VPS13C: variants seen among roughly 807,000 people sequenced by gnomAD.
The protein encoded by VPS13C is vacuolar protein sorting 13 homolog C.
VPS13C carries 358 observed loss-of-function variants against 456.8 expected under a neutral mutation model. The observed-to-expected ratio is 0.78, with a 90% confidence interval of 0.72 to 0.86. The LOEUF (loss-of-function observed/expected upper bound fraction) is 0.86, where lower values mean the gene tolerates loss of function less well. VPS13C is among the 40% of genes least tolerant of loss of function. The pLI, the probability that VPS13C is intolerant of heterozygous loss-of-function variation, is 0.00. For missense variants in VPS13C, 4,818 were observed against 4,385.4 expected, an observed-to-expected ratio of 1.10 and a Z score of -2.79; for synonymous variants, 1,578 against 1,486.7, an observed-to-expected ratio of 1.06 and a Z score of -1.41.
At chr15:61,956,857 T>A (rs1371777089) in intron 37 of VPS13C, among the ~76,000 whole-genome samples, 2 of 152,106 alleles carry the variant, frequency 1.3e-5, no homozygotes, top group African/African-American at 4.8e-5. Context: ...GGAAAGTAAA[T>A]TGGTACAACC....
At chr15:62,049,132 C>T (rs1305855749) in intron 1 of VPS13C, among the ~76,000 whole-genome samples, 1 of 152,120 alleles carries the variant, frequency 6.6e-6, no homozygotes, top group African/African-American at 2.4e-5. Context: ...TCTATTTTGG[C>T]TTTTGTTGCC....
intron 66 of VPS13C, 143 bp downstream of exon 66, chr15:61,907,120 CA>C: frequency 8.8e-7 from 1 of 1,142,706 alleles, no homozygotes. Context: ...CAGTATTTGC[CA>C]TCTAAAGTCC....
At chr15:61,868,086 T>A (rs1894719858) in intron 81 of VPS13C, 1 of 638,484 alleles carries the variant, frequency 1.6e-6, no homozygotes. Flanking sequence ...AAAATATTAA[T>A]ACATTTCTTT....
At chr15:61,880,416 G>A (rs1895760635) in intron 73 of VPS13C, among the ~76,000 whole-genome samples, 193 bp downstream of exon 73, 1 of 152,064 alleles carries the variant, frequency 6.6e-6, no homozygotes, top group East Asian at 1.9e-4. Flanking sequence ...TGGAGAACAT[G>A]CTCTGGTGGT....
chr15:61,914,504 G>A (rs1325057252), intron 61 of VPS13C, among the ~76,000 whole-genome samples: 3 of 151,836 alleles, frequency 2.0e-5, no homozygotes, highest in Non-Finnish European at 4.4e-5. Context: ...GGGAGGCGGA[G>A]GTTGCAGTGA....
chr15:61,945,889 G>A lies in VPS13C; in HGVS notation c.4981-7C>T. 1 of 1,593,702 alleles carries A rather than the reference G, an allele frequency of 6.3e-7. No individual in the cohort carries two copies. Among genetic ancestry groups the A allele is most frequent in the Non-Finnish European group, 8.5e-7 (1 of 1,174,808 alleles). On this transcript the variant is annotated splice_polypyrimidine_tract_variant and splice_region_variant and intron_variant, in intron 44 of 84. Transcript: ENST00000644861. ...CTCCCAAAATAGAGACAGCCTAAAAGTATTAGATTAACTGGTTATTATATC... is the reference window on the plus strand; with the variant it reads ...CTCCCAAAATAGAGACAGCCTAAAAATATTAGATTAACTGGTTATTATATC...
rs1275488772 is a variant in VPS13C at position 61,931,240 on chromosome 15, T to C, written c.5888A>G (p.His1963Arg). Residue 1963 changes from histidine to arginine, a missense_variant, in exon 50 of 85, where the codon CAT becomes CGT. Physicochemically the swap from His to Arg is conservative, Grantham distance 29. Coordinates refer to ENST00000644861, the MANE Select transcript of VPS13C (RefSeq NM_020821.3). ...DINQESGVAF[H>R]NDSFQLGELR... is the part of the protein sequence containing the mutation. ...TTCACCAAGTTGGAAACTGTCATTA[T>C]GAAATGCAACTCCAGATTCCTATGG... 1.2e-6 allele frequency: 2 copies of C among 1,613,688 alleles called. No individual in the cohort carries two copies. The highest frequency in any genetic ancestry group is 1.7e-6 in the Non-Finnish European group (2 of 1,179,872).
chr15:61,879,912 G>A (rs1895725044), intron 73 of VPS13C, among the ~76,000 whole-genome samples: 1 of 152,026 alleles, frequency 6.6e-6, no homozygotes, highest in South Asian at 2.1e-4. Flanking sequence ...CTGAAGGACT[G>A]GTAAATGCAA....
At chr15:61,924,309 T>C (rs1178478192) in intron 53 of VPS13C, among the ~76,000 whole-genome samples, 1 of 152,216 alleles carries the variant, frequency 6.6e-6, no homozygotes, top group African/African-American at 2.4e-5. Context: ...CTACACAGCT[T>C]TCCCTGATGT....
At chr15:61,897,999 A>C (rs888885781) in intron 66 of VPS13C, among the ~76,000 whole-genome samples, 2 of 152,214 alleles carry the variant, frequency 1.3e-5, no homozygotes, top group Non-Finnish European at 2.9e-5. Flanking sequence ...ATCCAGCCAA[A>C]CTAAGCTTCA....
chr15:62,033,195 T>G (rs2047875907), intron 5 of VPS13C, among the ~76,000 whole-genome samples: 2 of 151,234 alleles, frequency 1.3e-5, no homozygotes, highest in South Asian at 4.1e-4. Flanking sequence ...ACTAGCACAA[T>G]AAAAATGACT....
intron 9 of VPS13C, among the ~76,000 whole-genome samples, chr15:62,017,893 C>A (rs1418408477): frequency 6.6e-6 from 1 of 150,958 alleles, no homozygotes; most frequent in Admixed American, 6.6e-5. Flanking sequence ...GCCATTTTCA[C>A]GATATTGATT....
chr15:61,880,541 G>T, intron 73 of VPS13C, 68 bp downstream of exon 73: 2 of 1,052,336 alleles, frequency 1.9e-6, no homozygotes, highest in Non-Finnish European at 2.7e-6. Context: ...ACCTACCTTG[G>T]TCCACAGACC....
At chr15:61,946,521 A>T in intron 43 of VPS13C, 111 bp from the exon 44 acceptor site, 2 of 630,182 alleles carry the variant, frequency 3.2e-6, no homozygotes, top group South Asian at 8.3e-5. Flanking sequence ...AAAATTACTC[A>T]TTATAAGACA....
chr15:61,864,519 G>T (rs936810855), intron 81 of VPS13C: 2 of 868,172 alleles, frequency 2.3e-6, no homozygotes, highest in East Asian at 1.2e-4. Flanking sequence ...GACATTTTAC[G>T]ACCAAGAATA....
rs76912441 is a variant in VPS13C at position 61,982,691 on chromosome 15, T to C, written c.1915-118A>G. 6.2e-3 allele frequency: 3,984 copies of C among 641,958 alleles called. 23 individuals are homozygous for C. Among genetic ancestry groups the C allele is most frequent in the Non-Finnish European group, 8.9e-3 (3,415 of 382,804 alleles). 39.8% of individuals were successfully genotyped at this position (641,958 alleles called of 1,614,324 possible). A position where few individuals can be genotyped will look rare whatever the true frequency, so the allele number is the denominator to read the frequency against. The stretch of plus-strand genomic sequence containing the variant: ...GCTTTGAACTGTGGAACTCCTAAGA[T>C]ATTCTGTCCTACTACATCTCCCTTT... On this transcript the variant is annotated intron_variant, in intron 20 of 84. Coordinates refer to ENST00000644861, the MANE Select transcript of VPS13C (RefSeq NM_020821.3).
chr15:61,863,197 G>A (rs866713822), intron 82 of VPS13C, among the ~76,000 whole-genome samples: 1 of 152,034 alleles, frequency 6.6e-6, no homozygotes, highest in Non-Finnish European at 1.5e-5. Flanking sequence ...TGTGTAACTT[G>A]GATAAGTCCC....
At chr15:62,044,744 AT>A (rs2048350346) in intron 1 of VPS13C, among the ~76,000 whole-genome samples, 2 of 152,150 alleles carry the variant, frequency 1.3e-5, no homozygotes, top group South Asian at 4.1e-4. Flanking sequence ...TGTGCTTCTA[AT>A]ATTCTTTAAT....
In VPS13C at chr15:62,010,611, T is replaced by C; in HGVS notation, c.884-12A>G. ...TATTGGCTGGAAAACTTACATCACA[T>C]GGGAAGACATAAGATATGTTCATAT... is the stretch of plus-strand genomic sequence containing the variant. On this transcript the variant is annotated splice_polypyrimidine_tract_variant and intron_variant, in intron 12 of 84. Transcript: ENST00000644861. 1.9e-6 allele frequency: 3 copies of C among 1,606,994 alleles called. No individual in the cohort carries two copies. Among genetic ancestry groups the C allele is most frequent in the Middle Eastern group, 3.3e-4 (2 of 6,032 alleles).
Sources: gnomAD v4.1 joint callset for allele counts (sites outside exome capture counted in the v4.1 genomes callset) on GRCh38, gnomAD v4.1.1 for gene constraint, MANE v1.5 for transcripts, NCBI Gene and HGNC (gene_info 2026-07-23, HGNC 2026-07-21) for gene names.